The following MYO1E variants were observed in gnomAD, a reference collection of about 807,000 sequenced individuals.
MYO1E encodes myosin IE.
A neutral mutation model predicts 151.1 loss-of-function variants in MYO1E; 68 were observed. The ratio of observed to expected loss-of-function variants is 0.45; its 90% CI spans 0.37 to 0.55. The LOEUF (loss-of-function observed/expected upper bound fraction) is 0.55, where lower values mean the gene tolerates loss of function less well. Among genes scored for constraint, MYO1E ranks in the 20% least tolerant of loss-of-function variants. The pLI, the probability that MYO1E is intolerant of heterozygous loss-of-function variation, is 0.00. For synonymous variants in MYO1E, 601 were observed against 501.7 expected (o/e 1.20, Z -2.64); for missense variants, 1,363 against 1,389.3 (o/e 0.98, Z 0.30).
At chr15:59,282,688 A>ATGTTTTGATTTT (rs2080359749) in intron 1 of MYO1E, among the ~76,000 whole-genome samples, 2 of 149,778 alleles carry the variant, frequency 1.3e-5, no homozygotes, top group Non-Finnish European at 3.0e-5. Flanking sequence ...TCTACACAAA[A>ATGTTTTGATTTT]TCAAAACATT....
chr15:59,204,654 C>T (rs7169503), intron 15 of MYO1E, among the ~76,000 whole-genome samples: 1 of 151,914 alleles, frequency 6.6e-6, no homozygotes, highest in Non-Finnish European at 1.5e-5. Flanking sequence ...GGATACCCTC[C>T]CTCTTCTACC....
rs773105280 is a variant in MYO1E at position 59,208,815 on chromosome 15, C to T, written c.1396G>A (p.Val466Met). 2 of 1,614,182 alleles carry T rather than the reference C, an allele frequency of 1.2e-6. No homozygotes were observed. The highest frequency in any genetic ancestry group is 2.2e-5 in the East Asian group (1 of 44,880). Reference sequence around the variant, plus strand: ...CCCACCGCATGCATCGTGGCGCACACGTCATCCAGGATGCTCATGATGCCA... The same window carrying T: ...CCCACCGCATGCATCGTGGCGCACATGTCATCCAGGATGCTCATGATGCCA... ...PPGIMSILDD[V>M]CATMHAVGEG... is the part of the protein sequence containing the mutation. Residue 466 changes from valine (V) to methionine (M), a missense_variant, in exon 14 of 28, where the codon GTG (valine) becomes ATG (methionine). Coordinates refer to ENST00000288235, the MANE Select transcript of MYO1E (RefSeq NM_004998.4).
chr15:59,313,955 G>C (rs2080569159), intron 1 of MYO1E, among the ~76,000 whole-genome samples: 2 of 152,228 alleles, frequency 1.3e-5, no homozygotes, highest in East Asian at 1.9e-4. Flanking sequence ...AGACTGACTG[G>C]AACAGGAGTT....
At chr15:59,162,659 G>A (rs11637369) in intron 23 of MYO1E, among the ~76,000 whole-genome samples, 6,858 of 120,084 alleles carry the variant, frequency 0.057, 235 homozygotes, top group African/African-American at 0.12. Flanking sequence ...AAAAAAAAAA[G>A]AAAAAAAAAA....
chr15:59,313,470 T>C (rs2080565463), intron 1 of MYO1E, among the ~76,000 whole-genome samples: 1 of 152,160 alleles, frequency 6.6e-6, no homozygotes. Context: ...CCTGAAATAA[T>C]AATGGGAGTA....
At chr15:59,171,860 G>C (rs1486079740) in intron 22 of MYO1E, 37 bp downstream of exon 22, 1 of 1,613,908 alleles carries the variant, frequency 6.2e-7, no homozygotes, top group Middle Eastern at 1.7e-4. Context: ...GCTGAGGCGA[G>C]AAGGGGCAGT....
rs144925099 is a variant in MYO1E at position 59,336,303 on chromosome 15, G to C, written c.3+36195C>G. 1.1e-3 allele frequency among the ~76,000 whole-genome samples: 161 copies of C among 151,844 alleles called. 3 individuals carry two copies. In the East Asian group the frequency reaches 0.019, roughly 18 times the overall value. On this transcript the variant is annotated intron_variant, in intron 1 of 27. Transcript: ENST00000288235. ...GAGAATTGCTTGAGCCCAGGAGATG[G>C]AGGTTGCAGTGAGCCGAGATCATGC... is the stretch of plus-strand genomic sequence containing the variant.
intron 1 of MYO1E, among the ~76,000 whole-genome samples, chr15:59,351,915 C>T (rs74745610): frequency 7.7e-4 from 117 of 152,282 alleles, no homozygotes; most frequent in African/African-American, 2.7e-3. Context: ...TTTCAATGCC[C>T]TTCTCTATTT....
chr15:59,299,726 T>C (rs377016536), intron 1 of MYO1E, among the ~76,000 whole-genome samples: 88 of 152,352 alleles, frequency 5.8e-4, no homozygotes, highest in Admixed American at 9.8e-4. Flanking sequence ...ACACAAATCA[T>C]TGATCTTTCT....
chr15:59,327,004 A>G (rs2080668807), intron 1 of MYO1E, among the ~76,000 whole-genome samples: 1 of 152,192 alleles, frequency 6.6e-6, no homozygotes, highest in Non-Finnish European at 1.5e-5. Context: ...GGCTTCAGGC[A>G]ATCAGGCACC....
At position 59,214,316 on chromosome 15, in the gene MYO1E, T is replaced by TG. The variant is rs1385213626; in HGVS notation, c.1189-3dup. The TG allele has an allele frequency of 1.2e-6, 2 of 1,603,270 alleles. No individual in the cohort carries two copies. The highest frequency in any genetic ancestry group is 1.7e-6 in the Non-Finnish European group (2 of 1,172,884). ...ACAAAACTGTTCAAAGCCATTTTTC[T>TG]GGAAAAAAAAAGTTATTCACATGTA... On this transcript the variant is annotated splice_region_variant and splice_polypyrimidine_tract_variant and intron_variant, in intron 11 of 27. Transcript: ENST00000288235.
At chr15:59,313,374 G>A (rs2080564853) in intron 1 of MYO1E, among the ~76,000 whole-genome samples, 1 of 152,194 alleles carries the variant, frequency 6.6e-6, no homozygotes, top group Non-Finnish European at 1.5e-5. Context: ...ATTTAAGGAA[G>A]CAACACAGGT....
chr15:59,265,029 CA>C (rs2080245327), intron 2 of MYO1E: 1 of 152,186 alleles, frequency 6.6e-6, no homozygotes. Flanking sequence ...AAAAAGAAAA[CA>C]AACAAACAAT....
At chr15:59,245,236 A>T (rs2080122671) in intron 4 of MYO1E, among the ~76,000 whole-genome samples, 1 of 152,232 alleles carries the variant, frequency 6.6e-6, no homozygotes, top group Admixed American at 6.5e-5. Flanking sequence ...GAATCCGGAG[A>T]CACCTGATGG....
intron 1 of MYO1E, among the ~76,000 whole-genome samples, chr15:59,319,356 A>G (rs2080610108): frequency 6.6e-6 from 1 of 152,030 alleles, no homozygotes; most frequent in Non-Finnish European, 1.5e-5. Context: ...AAGTTTCTGT[A>G]ATAACTTTTC....
intron 25 of MYO1E, among the ~76,000 whole-genome samples, chr15:59,154,732 C>T (rs2079500518): frequency 6.6e-6 from 1 of 152,322 alleles, no homozygotes; most frequent in South Asian, 2.1e-4. Context: ...CTTTCATAGT[C>T]TCAGTTCTTC....
chr15:59,216,154 T>C (rs1368276016), intron 10 of MYO1E, among the ~76,000 whole-genome samples: 3 of 152,170 alleles, frequency 2.0e-5, no homozygotes, highest in Non-Finnish European at 4.4e-5. Flanking sequence ...TTGGATTGAA[T>C]GGCCCCCACT....
intron 23 of MYO1E, among the ~76,000 whole-genome samples, chr15:59,162,788 C>T (rs1014614721): frequency 2.0e-5 from 3 of 152,090 alleles, no homozygotes; most frequent in Non-Finnish European, 4.4e-5. Context: ...ATTTAAACCC[C>T]CACCTCTGTC....
chr15:59,328,285 A>C (rs543871736), intron 1 of MYO1E, among the ~76,000 whole-genome samples: 1 of 152,114 alleles, frequency 6.6e-6, no homozygotes, highest in Non-Finnish European at 1.5e-5. Context: ...AGTCCCGTCT[A>C]CCTCCCAGAG....
Sources: gnomAD v4.1 joint callset for allele counts (sites outside exome capture counted in the v4.1 genomes callset) on GRCh38, gnomAD v4.1.1 for gene constraint, MANE v1.5 for transcripts, NCBI Gene and HGNC (gene_info 2026-07-23, HGNC 2026-07-21) for gene names.